The following BCAS3 variants were observed in gnomAD, a reference collection of about 807,000 sequenced individuals.
BCAS3 encodes BCAS3 microtubule associated cell migration factor.
BCAS3 carries 53 observed loss-of-function variants against 116.1 expected under a neutral mutation model. That is an observed-to-expected ratio of 0.46 (90% CI 0.37 to 0.57). The LOEUF (loss-of-function observed/expected upper bound fraction) is 0.57. BCAS3 is among the 20% of genes least tolerant of loss of function. BCAS3 has a pLI of 0.00. For missense variants in BCAS3, 917 were observed against 1,165.4 expected (o/e 0.79, Z 3.10); for synonymous variants, 391 against 408.2 (o/e 0.96, Z 0.51).
At chr17:61,275,068 T>C (rs2050655334) in intron 22 of BCAS3, among the ~76,000 whole-genome samples, 1 of 151,510 alleles carries the variant, frequency 6.6e-6, no homozygotes, top group Non-Finnish European at 1.5e-5. Context: ...CCCAGGCTAG[T>C]CTCAACTCCT....
At position 61,244,988 on chromosome 17, in the gene BCAS3, AT is replaced by A. The variant is rs1404504413; in HGVS notation, c.2426-123335del. On this transcript the variant is annotated intron_variant, in intron 22 of 23. Coordinates refer to ENST00000407086, the MANE Select transcript of BCAS3 (RefSeq NM_017679.5). The surrounding 1 kb of genome is among the most constrained non-coding windows in gnomAD (Gnocchi z 4.9). ...TCTAAATGTGGTGTAATAGACTATA[AT>A]TTTAGTAAGTGTATCAGTCCATTCT... Among the ~76,000 whole-genome samples, 26 of 152,224 alleles carry A rather than the reference AT, an allele frequency of 1.7e-4. No individual in the cohort carries two copies. Among genetic ancestry groups the A allele is most frequent in the African/African-American group, 5.5e-4 (23 of 41,456 alleles).
At chr17:61,295,831 T>G (rs2052840021) in intron 22 of BCAS3, among the ~76,000 whole-genome samples, 1 of 151,736 alleles carries the variant, frequency 6.6e-6, no homozygotes, top group South Asian at 2.1e-4. Context: ...GATGCACATC[T>G]GTAATCCCAG....
At chr17:60,992,917 A>C (rs959490703) in intron 15 of BCAS3, among the ~76,000 whole-genome samples, 2 of 152,122 alleles carry the variant, frequency 1.3e-5, no homozygotes, top group African/African-American at 4.8e-5. Context: ...TTTTAGCAAA[A>C]TCTTTTGGCA....
In BCAS3 at chr17:61,302,081, G is replaced by C. The variant is rs2053492819; in HGVS notation, c.2426-66246G>C. 6.6e-6 allele frequency among the ~76,000 whole-genome samples: 1 copy of C among 152,094 alleles called. No individual in the cohort carries two copies. The highest frequency in any genetic ancestry group is 1.5e-5 in the Non-Finnish European group (1 of 68,022). ...GGCTAGTTCTGTCAGCTAGTCCTAA[G>C]AAAAAGTTGAGATTCTCTACACATA... On this transcript the variant is annotated intron_variant, in intron 22 of 23. Transcript: ENST00000407086. This position sits in a 1 kb window ranked among gnomAD's most constrained non-coding sequence, Gnocchi z 4.4.
chr17:60,911,123 CTTTTTTTT>C (rs1162942971), intron 12 of BCAS3, among the ~76,000 whole-genome samples: 2 of 88,256 alleles, frequency 2.3e-5, no homozygotes, highest in Admixed American at 1.8e-4. Flanking sequence ...TTTTTTCTTT[CTTTTTTTT>C]TTTTTTTTTG....
chr17:60,934,430 C>G (rs1006614068), intron 13 of BCAS3, among the ~76,000 whole-genome samples: 2 of 152,142 alleles, frequency 1.3e-5, no homozygotes, highest in African/African-American at 2.4e-5. Context: ...CTGTCTACAA[C>G]AAATATAACA....
rs142845228 is a variant in BCAS3 at position 61,233,918 on chromosome 17, C to CTG, written c.2426-134406_2426-134405dup. Reference sequence around the variant, plus strand: ...GAGCTTTCTTTAAGAGGTCTTCCAGCTGTGGCATTCCATCCATTATTCTAA... The same window carrying CTG: ...GAGCTTTCTTTAAGAGGTCTTCCAGCTGTGTGGCATTCCATCCATTATTCTAA... On this transcript the variant is annotated intron_variant, in intron 22 of 23. Transcript: ENST00000407086. This position sits in a 1 kb window ranked among gnomAD's most constrained non-coding sequence, Gnocchi z 4.3. Among the ~76,000 whole-genome samples, 1,138 of 151,802 alleles carry CTG rather than the reference C, an allele frequency of 7.5e-3. 12 individuals are homozygous for CTG. Among genetic ancestry groups the CTG allele is most frequent in the African/African-American group, 0.026 (1,062 of 41,390 alleles).
intron 22 of BCAS3, among the ~76,000 whole-genome samples, chr17:61,345,680 T>C (rs1398032399): frequency 6.6e-6 from 1 of 151,968 alleles, no homozygotes; most frequent in African/African-American, 2.4e-5. Context: ...GCAGATAGGC[T>C]AGGAGGAGCA....
intron 7 of BCAS3, among the ~76,000 whole-genome samples, chr17:60,862,415 T>A (rs1318788974): frequency 6.6e-6 from 1 of 152,196 alleles, no homozygotes; most frequent in Non-Finnish European, 1.5e-5. Flanking sequence ...CTAGTAGAAT[T>A]TGGCTGTGAA....
rs1447059760 is a variant in BCAS3 at position 61,285,923 on chromosome 17, TACAC to T, written c.2426-82397_2426-82394del. Among the ~76,000 whole-genome samples the T allele has an allele frequency of 1.3e-5, 2 of 152,214 alleles. No homozygotes were observed. Among genetic ancestry groups the T allele is most frequent in the African/African-American group, 2.4e-5 (1 of 41,444 alleles). On this transcript the variant is annotated intron_variant, in intron 22 of 23. Transcript: ENST00000407086. The surrounding 1 kb of genome is among the most constrained non-coding windows in gnomAD (Gnocchi z 5.4). Reference sequence around the variant, plus strand: ...TTTTTTTTAGTTTCAAGACTTAGCTTACACACACACTCAAGTTACGTGAATACAT... The same window carrying T: ...TTTTTTTTAGTTTCAAGACTTAGCTTACACACTCAAGTTACGTGAATACAT...
rs771598631 is a variant in BCAS3 at position 61,368,314 on chromosome 17, G to A, written c.2426-13G>A. ...GTGTGGACTCAACGTCAGATGTCCC[G>A]TGTGTGCCACAGGTACCTTTGACAG... On this transcript the variant is annotated splice_polypyrimidine_tract_variant and intron_variant, in intron 22 of 23. Transcript: ENST00000407086. The surrounding 1 kb of genome is among the most constrained non-coding windows in gnomAD (Gnocchi z 6.0). The A allele has an allele frequency of 6.3e-5, 99 of 1,581,280 alleles. 1 individual carries two copies. Among genetic ancestry groups the A allele is most frequent in the South Asian group, 2.7e-4 (24 of 88,678 alleles).
rs562549741 is a variant in BCAS3 at position 61,188,404 on chromosome 17, AAG to A, written c.2425+103845_2425+103846del. ...TGTGTTCTCCATGGAATTTTTCAACAAGAGAGTTCCCACTCGATTCCTAGTTT... is the reference window on the plus strand; with the variant it reads ...TGTGTTCTCCATGGAATTTTTCAACAAGAGTTCCCACTCGATTCCTAGTTT... On this transcript the variant is annotated intron_variant, in intron 22 of 23. Transcript: ENST00000407086. The surrounding 1 kb of genome is among the most constrained non-coding windows in gnomAD (Gnocchi z 4.0). Among the ~76,000 whole-genome samples the A allele has an allele frequency of 1.4e-3, 207 of 152,338 alleles. 2 individuals carry two copies. Among genetic ancestry groups the A allele is most frequent in the African/African-American group, 4.8e-3 (198 of 41,572 alleles).
chr17:60,770,889 G>C (rs60173247), intron 6 of BCAS3, among the ~76,000 whole-genome samples: 39,175 of 119,222 alleles, frequency 0.33, 10,985 homozygotes, highest in African/African-American at 0.74. Context: ...ACTCTGTCAC[G>C]CAGGCTGGAG....
chr17:61,229,245 G>A lies in BCAS3; in HGVS notation c.2426-139082G>A, dbSNP rs180895918. 1.3e-5 allele frequency among the ~76,000 whole-genome samples: 2 copies of A among 152,352 alleles called. No homozygotes were observed. The highest frequency in any genetic ancestry group is 2.4e-5 in the African/African-American group (1 of 41,590). On this transcript the variant is annotated intron_variant, in intron 22 of 23. Transcript: ENST00000407086. The surrounding 1 kb of genome is among the most constrained non-coding windows in gnomAD (Gnocchi z 4.4). Reference sequence around the variant, plus strand: ...GCCCTACCTCTTTCAATTCTATGAAGCTGAGAGAGGTGAGGAAGCTACAGA... The same window carrying A: ...GCCCTACCTCTTTCAATTCTATGAAACTGAGAGAGGTGAGGAAGCTACAGA...
chr17:60,786,373 T>C (rs963144660), intron 6 of BCAS3, among the ~76,000 whole-genome samples: 1 of 151,876 alleles, frequency 6.6e-6, no homozygotes, highest in Non-Finnish European at 1.5e-5. Context: ...AAGTATTGTT[T>C]TAGCTGGGCA....
intron 22 of BCAS3, among the ~76,000 whole-genome samples, chr17:61,182,080 GCC>G (rs1942781602): frequency 6.6e-6 from 1 of 151,922 alleles, no homozygotes; most frequent in Admixed American, 6.6e-5. Context: ...CTACTGTTTT[GCC>G]CTGTTGGTCT....
chr17:61,248,342 G>A lies in BCAS3; in HGVS notation c.2426-119985G>A, dbSNP rs2048132794. On this transcript the variant is annotated intron_variant, in intron 22 of 23. Transcript: ENST00000407086. The surrounding 1 kb of genome is among the most constrained non-coding windows in gnomAD (Gnocchi z 4.3). ...CTGTCTTGGGTAAAGGAATATATTT[G>A]TGAATTGTGGCTGATACTACTTTAA... Among the ~76,000 whole-genome samples, 2 of 152,160 alleles carry A rather than the reference G, an allele frequency of 1.3e-5. No homozygotes were observed. The highest frequency in any genetic ancestry group is 6.5e-5 in the Admixed American group (1 of 15,276).
chr17:61,223,309 A>G (rs1256892078), intron 22 of BCAS3, among the ~76,000 whole-genome samples: 1 of 151,910 alleles, frequency 6.6e-6, no homozygotes, highest in African/African-American at 2.4e-5. Flanking sequence ...GGCATGTGCC[A>G]CCACGCCTGG....
intron 23 of BCAS3, among the ~76,000 whole-genome samples, chr17:61,386,153 G>A (rs775151321): frequency 4.6e-5 from 7 of 152,210 alleles, no homozygotes; most frequent in Non-Finnish European, 8.8e-5. Flanking sequence ...CACAGACATC[G>A]TTAACCTCAT....
Sources: gnomAD v4.1 joint callset for allele counts (sites outside exome capture counted in the v4.1 genomes callset) on GRCh38, gnomAD v4.1.1 for gene constraint, Gnocchi (gnomAD v3.1) non-coding constraint, MANE v1.5 for transcripts, NCBI Gene and HGNC (gene_info 2026-07-23, HGNC 2026-07-21) for gene names.